The following RIMS1 variants were observed in gnomAD, a reference collection of about 807,000 sequenced individuals.
The protein encoded by RIMS1 is regulating synaptic membrane exocytosis 1, also known as regulating synaptic membrane exocytosis protein 1.
Under a neutral mutation model 214.1 loss-of-function variants are expected in RIMS1, and 83 were observed. That is an observed-to-expected ratio of 0.39 (90% CI 0.32 to 0.47). The LOEUF (loss-of-function observed/expected upper bound fraction) is 0.47, where lower values mean the gene tolerates loss of function less well. Ranked by LOEUF, RIMS1 falls within the 20% of genes least tolerant of loss-of-function variation. RIMS1 has a pLI of 0.99. For missense variants in RIMS1, 2,050 were observed against 2,161.8 expected, an observed-to-expected ratio of 0.95 and a Z score of 1.03; for synonymous variants, 793 against 786.8, an observed-to-expected ratio of 1.01 and a Z score of -0.13.
rs867099473 is a variant in RIMS1, at chr6:72,286,208, A to C, written c.3554+2090A>C. Among the ~76,000 whole-genome samples the C allele has an allele frequency of 2.0e-5, 3 of 152,294 alleles. No homozygotes were observed. The South Asian group carries it at 6.2e-4, about 32-fold the overall frequency. ...GCAAAACTCCATCTCAAAAAAAAAA[A>C]AAAATTGCTAGTTGAGTGACTACTG... On this transcript the variant is annotated intron_variant, in intron 24 of 33. Transcript: ENST00000521978.
chr6:72,217,985 C>T (rs771239505), intron 6 of RIMS1, among the ~76,000 whole-genome samples: 6 of 152,028 alleles, frequency 3.9e-5, no homozygotes, highest in African/African-American at 1.4e-4. Context: ...AATGGCAAAA[C>T]ATTTTTTCAG....
rs750047238 is a variant in RIMS1 at position 72,182,515 on chromosome 6, G to C, written c.1044G>C (p.Glu348Asp). Residue 348 changes from glutamate to aspartate, a missense_variant, in exon 6 of 34, where the codon GAG (glutamate) becomes GAC (aspartate). By Grantham distance (45) the Glu-to-Asp change is conservative. Transcript: ENST00000521978. ...CGGATGAGGAAAAGCAAAGAAAAGA[G>C]GAGGATTATCAGACCAGGTACCGCA... ...KAADEEKQRK[E>D]EDYQTRYRSD... 2 of 1,588,584 alleles carry C rather than the reference G, an allele frequency of 1.3e-6. No homozygotes were observed. The highest frequency in any genetic ancestry group is 1.3e-5 in the African/African-American group (1 of 74,420).
intron 1 of RIMS1, among the ~76,000 whole-genome samples, chr6:71,949,999 T>C (rs1210898413): frequency 3.3e-5 from 5 of 152,128 alleles, no homozygotes; most frequent in Admixed American, 1.3e-4. Context: ...CAAGTCATGG[T>C]AAATCCATAA....
chr6:71,961,431 C>T (rs1792925910), intron 1 of RIMS1, among the ~76,000 whole-genome samples: 1 of 152,014 alleles, frequency 6.6e-6, no homozygotes, highest in African/African-American at 2.4e-5. Flanking sequence ...CTCCCTTTCC[C>T]ATGGGTAATT....
At chr6:71,898,131 G>C (rs995271106) in intron 1 of RIMS1, among the ~76,000 whole-genome samples, 4 of 152,114 alleles carry the variant, frequency 2.6e-5, no homozygotes, top group Non-Finnish European at 5.9e-5. Context: ...CATTCTTAAA[G>C]TATTTGAATA....
intron 4 of RIMS1, among the ~76,000 whole-genome samples, chr6:72,149,507 A>G (rs1043940157): frequency 1.3e-5 from 2 of 151,462 alleles, no homozygotes; most frequent in Non-Finnish European, 2.9e-5. Context: ...CAAAGTGAAG[A>G]TTCCTTACAC....
intron 1 of RIMS1, among the ~76,000 whole-genome samples, chr6:71,916,608 T>C (rs1044944867): frequency 6.6e-6 from 1 of 152,162 alleles, no homozygotes; most frequent in African/African-American, 2.4e-5. Flanking sequence ...TTTCTGAGTA[T>C]ATAATTAATT....
At chr6:72,342,299 G>T (rs2097120229) in intron 29 of RIMS1, among the ~76,000 whole-genome samples, 1 of 151,512 alleles carries the variant, frequency 6.6e-6, no homozygotes, top group Non-Finnish European at 1.5e-5. Flanking sequence ...TCCACAATTA[G>T]ATTTAGCACG....
intron 28 of RIMS1, among the ~76,000 whole-genome samples, chr6:72,319,278 T>C (rs2096013317): frequency 6.6e-6 from 1 of 152,020 alleles, no homozygotes; most frequent in Non-Finnish European, 1.5e-5. Context: ...TGGAAAACTT[T>C]CAGGAAAGAA....
At chr6:72,177,754 C>G (rs1270439688) in intron 4 of RIMS1, among the ~76,000 whole-genome samples, 2 of 152,150 alleles carry the variant, frequency 1.3e-5, no homozygotes, top group African/African-American at 4.8e-5. Context: ...TCCCACCACA[C>G]ACGTCCTGTC....
At chr6:72,247,707 C>T (rs993241526) in intron 11 of RIMS1, among the ~76,000 whole-genome samples, 12 of 152,066 alleles carry the variant, frequency 7.9e-5, no homozygotes. Flanking sequence ...TTAGTGTTAA[C>T]AGGCACTATC....
At chr6:72,278,728 G>A (rs76336482) in intron 23 of RIMS1, among the ~76,000 whole-genome samples, 1,696 of 152,050 alleles carry the variant, frequency 0.011, 10 homozygotes, top group Non-Finnish European at 0.017. Flanking sequence ...AGCTACAGTC[G>A]TATACATAAA....
intron 6 of RIMS1, among the ~76,000 whole-genome samples, chr6:72,188,321 G>T (rs1315427928): frequency 6.6e-6 from 1 of 152,116 alleles, no homozygotes; most frequent in Non-Finnish European, 1.5e-5. Flanking sequence ...TTCAAATAAA[G>T]ACAATAATAA....
chr6:72,217,703 G>C (rs2056786875), intron 6 of RIMS1, among the ~76,000 whole-genome samples: 1 of 152,076 alleles, frequency 6.6e-6, no homozygotes, highest in African/African-American at 2.4e-5. Flanking sequence ...GACCAGGTTT[G>C]GTTTCTCCTA....
rs1023459134 is a variant in RIMS1, at chr6:72,155,419, C to T, written c.472-24156C>T. Among the ~76,000 whole-genome samples the T allele has an allele frequency of 3.6e-5, 5 of 140,654 alleles. 2 individuals carry two copies. The highest frequency in any genetic ancestry group is 8.1e-5 in the Non-Finnish European group (5 of 61,892). The allele number at this position is 140,654 out of a possible 152,430, so 92.3% of individuals were successfully genotyped here. The stretch of plus-strand genomic sequence containing the variant: ...CCAAACTCTTCCTGTTACCCAGTTC[C>T]AAAGTTGCTTCCACATTTTCAGGTA... On this transcript the variant is annotated intron_variant, in intron 4 of 33. Coordinates refer to ENST00000521978, the MANE Select transcript of RIMS1 (RefSeq NM_014989.7).
intron 2 of RIMS1, among the ~76,000 whole-genome samples, chr6:72,073,821 C>G (rs1831143680): frequency 6.6e-6 from 1 of 152,154 alleles, no homozygotes; most frequent in South Asian, 2.1e-4. Context: ...TGGTGTGAGG[C>G]TATGAATATC....
At chr6:72,009,343 A>G (rs1809313390) in intron 2 of RIMS1, among the ~76,000 whole-genome samples, 1 of 152,226 alleles carries the variant, frequency 6.6e-6, no homozygotes, top group Non-Finnish European at 1.5e-5. Flanking sequence ...AGGGAAATTT[A>G]TAGCAGTAAA....
chr6:71,961,052 C>T (rs532616027), intron 1 of RIMS1, among the ~76,000 whole-genome samples: 15 of 152,238 alleles, frequency 9.9e-5, no homozygotes, highest in African/African-American at 3.1e-4. Context: ...TTCTTCCCCA[C>T]CTCTGGCACA....
intron 4 of RIMS1, among the ~76,000 whole-genome samples, chr6:72,161,683 T>C (rs1345451597): frequency 1.4e-5 from 2 of 140,394 alleles, no homozygotes; most frequent in African/African-American, 4.9e-5. Context: ...TCAGTATCCA[T>C]GTAGGTGAGC....
Sources: gnomAD v4.1 joint callset for allele counts (sites outside exome capture counted in the v4.1 genomes callset) on GRCh38, gnomAD v4.1.1 for gene constraint, MANE v1.5 for transcripts, NCBI Gene and HGNC (gene_info 2026-07-23, HGNC 2026-07-21) for gene names.